FHIP1A: variants seen among roughly 807,000 people sequenced by gnomAD.
FHIP1A encodes the protein FHF complex subunit HOOK-interacting protein 1A.
FHIP1A carries 61 observed loss-of-function variants against 88.6 expected under a neutral mutation model. That is an observed-to-expected ratio of 0.69 (90% CI 0.56 to 0.85). FHIP1A has a LOEUF of 0.85. Ranked by LOEUF, FHIP1A falls within the 40% of genes least tolerant of loss-of-function variation. The probability of loss-of-function intolerance (pLI) is 0.00; values close to 1 mark genes in which losing one functional copy is unlikely to be tolerated. For missense variants in FHIP1A, 1,154 were observed against 1,273.5 expected (o/e 0.91, Z 1.43); for synonymous variants, 478 against 496.0 (o/e 0.96, Z 0.48).
chr4:151,455,489 A>G (rs902588392), intron 2 of FHIP1A, among the ~76,000 whole-genome samples: 2 of 152,202 alleles, frequency 1.3e-5, no homozygotes, highest in African/African-American at 4.8e-5. Context: ...TTAGGAGTCT[A>G]GAGCTAGCAC....
At chr4:151,414,064 T>G (rs975568484) in intron 1 of FHIP1A, among the ~76,000 whole-genome samples, 2 of 151,996 alleles carry the variant, frequency 1.3e-5, no homozygotes, top group Admixed American at 6.5e-5. Flanking sequence ...TTGTTTTTTT[T>G]TTTTGAGACG....
At chr4:151,468,718 A>T (rs1729410691) in intron 2 of FHIP1A, among the ~76,000 whole-genome samples, 1 of 152,152 alleles carries the variant, frequency 6.6e-6, no homozygotes, top group Non-Finnish European at 1.5e-5. Flanking sequence ...TTATCAAAGG[A>T]AGTGATTTTC....
chr4:151,463,297 T>C (rs570999930), intron 2 of FHIP1A, among the ~76,000 whole-genome samples: 10 of 152,308 alleles, frequency 6.6e-5, no homozygotes, highest in Non-Finnish European at 8.8e-5. Flanking sequence ...GGTGATGCCC[T>C]AGCCAAAGAA....
intron 4 of FHIP1A, among the ~76,000 whole-genome samples, chr4:151,568,184 A>C (rs193105548): frequency 1.1e-3 from 164 of 152,344 alleles, no homozygotes; most frequent in Admixed American, 3.9e-3. Context: ...ATAACAATAC[A>C]AATGACTTCA....
At chr4:151,592,602 CTT>C (rs2126814463) in intron 7 of FHIP1A, among the ~76,000 whole-genome samples, 1 of 152,198 alleles carries the variant, frequency 6.6e-6, no homozygotes, top group African/African-American at 2.4e-5. Flanking sequence ...TCTTTGCCCA[CTT>C]TTTGGTGGGG....
intron 5 of FHIP1A, among the ~76,000 whole-genome samples, chr4:151,582,610 T>C (rs1734066539): frequency 6.6e-6 from 1 of 152,236 alleles, no homozygotes; most frequent in Non-Finnish European, 1.5e-5. Flanking sequence ...TTTGCTTTTT[T>C]GTCTGTTGTT....
At chr4:151,591,979 C>A (rs1310474849) in intron 7 of FHIP1A, among the ~76,000 whole-genome samples, 1 of 152,100 alleles carries the variant, frequency 6.6e-6, no homozygotes, top group Admixed American at 6.5e-5. Flanking sequence ...TGGGTATATA[C>A]CCAGTAATGG....
intron 3 of FHIP1A, among the ~76,000 whole-genome samples, chr4:151,504,624 CATGTT>C (rs1730767561): frequency 7.1e-6 from 1 of 140,384 alleles, no homozygotes; most frequent in Non-Finnish European, 1.5e-5. Flanking sequence ...TATGTTATGT[CATGTT>C]ATGTTATTTT....
At chr4:151,531,411 A>G (rs757345520) in intron 3 of FHIP1A, among the ~76,000 whole-genome samples, 2 of 151,328 alleles carry the variant, frequency 1.3e-5, no homozygotes, top group African/African-American at 4.9e-5. Context: ...ACATTTACAC[A>G]CATTCTGTGT....
At chr4:151,411,300 A>T (rs909622138) in intron 1 of FHIP1A, among the ~76,000 whole-genome samples, 2 of 151,960 alleles carry the variant, frequency 1.3e-5, no homozygotes, top group Non-Finnish European at 2.9e-5. Context: ...ATATGGAGGT[A>T]AAATGAGAAA....
chr4:151,645,908 C>T (rs910833774), intron 9 of FHIP1A, among the ~76,000 whole-genome samples: 2 of 151,996 alleles, frequency 1.3e-5, no homozygotes, highest in Non-Finnish European at 2.9e-5. Flanking sequence ...TGAAATGGGG[C>T]CCAGTGATCC....
intron 2 of FHIP1A, among the ~76,000 whole-genome samples, chr4:151,466,440 C>A (rs933198523): frequency 2.0e-5 from 3 of 152,190 alleles, no homozygotes; most frequent in Admixed American, 1.3e-4. Context: ...CTATTCCCAT[C>A]AAACTACCCT....
In FHIP1A at chr4:151,577,743, G is replaced by C. The variant is rs1733851079; in HGVS notation, c.399G>C (p.Leu133=). Residue 133 remains leucine, a synonymous_variant, in exon 5 of 14, where the codon CTG becomes CTC. Transcript: ENST00000435205. ...TGGTCACCCAGTCGCACCAGCCTCT[G>C]CTGCACCACAAACCCATTCTGAAGC... ...EMLVTQSHQP[L]LHHKPILKPL... The C allele has an allele frequency of 6.4e-7, 1 of 1,551,712 alleles. No individual in the cohort carries two copies. The highest frequency in any genetic ancestry group is 8.7e-7 in the Non-Finnish European group (1 of 1,147,032).
rs1371504208 is a variant in FHIP1A at position 151,559,273 on chromosome 4, TC to T, written c.-122-6863del. On this transcript the variant is annotated intron_variant, in intron 3 of 13. Transcript: ENST00000435205. ...TTATGGTAGACATAGCAAGTCCTTTTCCTTTTATTTAAGTTGTTCTTTTGCT... is the reference window on the plus strand; with the variant it reads ...TTATGGTAGACATAGCAAGTCCTTTTCTTTTATTTAAGTTGTTCTTTTGCT... Among the ~76,000 whole-genome samples, 21 of 152,302 alleles carry T rather than the reference TC, an allele frequency of 1.4e-4. No homozygotes were observed. In the East Asian group the frequency reaches 4.0e-3, roughly 29 times the overall value.
intron 3 of FHIP1A, among the ~76,000 whole-genome samples, chr4:151,514,227 C>G (rs563555688): frequency 9.9e-5 from 15 of 152,196 alleles, no homozygotes; most frequent in African/African-American, 3.4e-4. Flanking sequence ...GAAATGAAGG[C>G]AGAAATAAAG....
chr4:151,544,928 A>G (rs1010750821), intron 3 of FHIP1A, among the ~76,000 whole-genome samples: 2 of 152,138 alleles, frequency 1.3e-5, no homozygotes, highest in Non-Finnish European at 2.9e-5. Flanking sequence ...AAATACAAAA[A>G]TTAGCCAGGT....
chr4:151,455,362 A>G (rs1014660064), intron 2 of FHIP1A, among the ~76,000 whole-genome samples: 1 of 152,212 alleles, frequency 6.6e-6, no homozygotes, highest in Non-Finnish European at 1.5e-5. Context: ...TAGGCTTTGT[A>G]AACTGAGATA....
At position 151,656,236 on chromosome 4, in the gene FHIP1A, A is replaced by G. The variant is rs774077896; in HGVS notation, c.2556A>G (p.Pro852=). The G allele has an allele frequency of 4.5e-6, 7 of 1,551,440 alleles. No homozygotes were observed. The highest frequency in any genetic ancestry group is 1.4e-5 in the African/African-American group (1 of 73,134). ...AGCCTTGTGTTCTTCCTGCAGGCCC[A>G]TTCATCAGCGTAGTCCTGTCAAAGC... ...VRTQSTPFTG[P]FISVVLSKLE... The change falls in exon 12 of 14, where the codon CCA becomes CCG. Residue 852 remains proline, a synonymous_variant. Coordinates refer to ENST00000435205, the MANE Select transcript of FHIP1A (RefSeq NM_001109977.3). This position sits in a 1 kb window ranked among gnomAD's most constrained non-coding sequence, Gnocchi z 4.2.
intron 3 of FHIP1A, among the ~76,000 whole-genome samples, chr4:151,543,949 G>A (rs931954696): frequency 2.0e-5 from 3 of 152,134 alleles, no homozygotes; most frequent in Non-Finnish European, 4.4e-5. Context: ...GTGTTTCAAG[G>A]CACTGATTGA....
Sources: allele counts gnomAD v4.1 joint callset (sites outside exome capture counted in the v4.1 genomes callset), GRCh38; gene constraint gnomAD v4.1.1; non-coding constraint Gnocchi (gnomAD v3.1); transcripts MANE v1.5; gene names NCBI Gene and HGNC (gene_info 2026-07-23, HGNC 2026-07-21).